Variants in SETD5 observed in about 807,000 individuals in gnomAD.
The protein encoded by SETD5 is histone-lysine N-methyltransferase SETD5.
SETD5 carries 44 observed loss-of-function variants against 153.3 expected under a neutral mutation model. The ratio of observed to expected loss-of-function variants is 0.29; its 90% CI spans 0.23 to 0.37. The LOEUF (loss-of-function observed/expected upper bound fraction) is 0.37, where lower values mean the gene tolerates loss of function less well. SETD5 is among the 10% of genes least tolerant of loss of function. The probability of loss-of-function intolerance (pLI) is 1.00; values close to 1 mark genes in which losing one functional copy is unlikely to be tolerated. For synonymous variants in SETD5, 716 were observed against 645.2 expected (o/e 1.11, Z -1.66); for missense variants, 1,544 against 1,768.0 (o/e 0.87, Z 2.27).
chr3:9,453,116 G>T (rs563696887), intron 16 of SETD5, among the ~76,000 whole-genome samples: 38 of 150,498 alleles, frequency 2.5e-4, no homozygotes, highest in Non-Finnish European at 5.0e-4. Context: ...CCTTTTTTTT[G>T]ATTTCTACTG....
intron 1 of SETD5, among the ~76,000 whole-genome samples, chr3:9,412,826 A>G (rs2125544471): frequency 6.6e-6 from 1 of 151,808 alleles, no homozygotes; most frequent in South Asian, 2.1e-4. Context: ...TAATAGATGA[A>G]ACAATCAACT....
At chr3:9,467,222 A>AC (rs1220289380) in intron 18 of SETD5, among the ~76,000 whole-genome samples, 2 of 139,250 alleles carry the variant, frequency 1.4e-5, no homozygotes, top group East Asian at 4.1e-4. Flanking sequence ...AAAAAAAAAA[A>AC]AACAACCTTA....
At chr3:9,448,041 TG>T in intron 15 of SETD5, 35 bp downstream of exon 15, 2 of 1,578,148 alleles carry the variant, frequency 1.3e-6, no homozygotes, top group Non-Finnish European at 1.7e-6. Context: ...AAGTCCAGTC[TG>T]GCAAGGGCTG....
chr3:9,451,058 CAGT>C (rs1486421716), intron 16 of SETD5, among the ~76,000 whole-genome samples: 1 of 152,162 alleles, frequency 6.6e-6, no homozygotes, highest in Admixed American at 6.5e-5. Context: ...ACAAGGCTCT[CAGT>C]AGTGTTTCAC....
intron 16 of SETD5, 144 bp from the exon 17 acceptor site, chr3:9,453,595 A>T: frequency 1.5e-6 from 1 of 687,628 alleles, no homozygotes; most frequent in Non-Finnish European, 2.2e-6. Context: ...CAATATGCTG[A>T]GACACAAGAC....
intron 2 of SETD5, among the ~76,000 whole-genome samples, chr3:9,427,218 T>G (rs887195385): frequency 6.6e-6 from 1 of 152,154 alleles, no homozygotes; most frequent in African/African-American, 2.4e-5. Context: ...AATATCAAAG[T>G]AAGATTGGAG....
chr3:9,399,578 G>A (rs1457049505), intron 1 of SETD5, among the ~76,000 whole-genome samples: 1 of 152,082 alleles, frequency 6.6e-6, no homozygotes, highest in Admixed American at 6.6e-5. Flanking sequence ...ATGCCCTTTG[G>A]TAGGACATGA....
intron 16 of SETD5, among the ~76,000 whole-genome samples, chr3:9,451,297 T>C (rs2042599736): frequency 6.6e-6 from 1 of 152,246 alleles, no homozygotes; most frequent in African/African-American, 2.4e-5. Context: ...AGTACTGTAC[T>C]ATAAGCTTTC....
At chr3:9,452,659 A>ACTTTTT in intron 16 of SETD5, among the ~76,000 whole-genome samples, 1 of 59,824 alleles carries the variant, frequency 1.7e-5, no homozygotes, top group African/African-American at 7.2e-5. Flanking sequence ...ATGATGTAAG[A>ACTTTTT]TTTTTTTTTT....
intron 1 of SETD5, among the ~76,000 whole-genome samples, chr3:9,419,629 A>G (rs2038076115): frequency 6.6e-6 from 1 of 152,220 alleles, no homozygotes; most frequent in South Asian, 2.1e-4. Flanking sequence ...AATTACTATA[A>G]TAAACAAGCT....
At chr3:9,417,420 C>T (rs1342265037) in intron 1 of SETD5, among the ~76,000 whole-genome samples, 1 of 151,964 alleles carries the variant, frequency 6.6e-6, no homozygotes, top group Non-Finnish European at 1.5e-5. Context: ...TGATTTTGTT[C>T]CTATGATGAA....
intron 11 of SETD5, among the ~76,000 whole-genome samples, chr3:9,444,484 G>T (rs760368905): frequency 6.6e-6 from 1 of 152,110 alleles, no homozygotes; most frequent in Non-Finnish European, 1.5e-5. Context: ...TTGATAAACT[G>T]CCTGCTAAAT....
rs770349308 is a variant in SETD5, at chr3:9,474,490, G to A, written c.3539G>A (p.Ser1180Asn). ...GTAGAACGACTCCGAGAAGGAGGGA[G>A]CATCCCCAAGGTCCTCCGAAGCAGC... ...TSVERLREGG[S>N]IPKVLRSSVR... Residue 1180 changes from serine (S) to asparagine (N), a missense_variant, in exon 21 of 23, where the codon AGC becomes AAC. Coordinates refer to ENST00000402198, the MANE Select transcript of SETD5 (RefSeq NM_001080517.3). 3.7e-5 allele frequency: 60 copies of A among 1,613,862 alleles called. No individual in the cohort carries two copies. The highest frequency in any genetic ancestry group is 3.1e-4 in the South Asian group (28 of 91,082).
chr3:9,403,716 G>A (rs2035203023), intron 1 of SETD5, among the ~76,000 whole-genome samples: 2 of 152,238 alleles, frequency 1.3e-5, no homozygotes, highest in South Asian at 4.2e-4. Context: ...CATACAAGTG[G>A]GATAGTTGCA....
At chr3:9,402,430 A>T (rs2034935160) in intron 1 of SETD5, among the ~76,000 whole-genome samples, 1 of 152,126 alleles carries the variant, frequency 6.6e-6, no homozygotes, top group African/African-American at 2.4e-5. Context: ...TGAGTACCTG[A>T]GGGAATACCT....
chr3:9,435,861 G>A lies in SETD5; in HGVS notation c.522G>A (p.Lys174=). 6.3e-7 allele frequency: 1 copy of A among 1,598,276 alleles called. No homozygotes were observed. The highest frequency in any genetic ancestry group is 8.5e-7 in the Non-Finnish European group (1 of 1,172,090). ...GAACCAAACCCAAGAAGCGGAAAAA[G>A]AGTCCAGAAAAGGGTCGTGCAGCAC... The part of the protein sequence containing the change: ...VRRTKPKKRK[K]SPEKGRAAPK... Residue 174 remains lysine, a synonymous_variant, in exon 7 of 23, where the codon AAG becomes AAA. Coordinates refer to ENST00000402198, the MANE Select transcript of SETD5 (RefSeq NM_001080517.3).
At chr3:9,431,419 G>A in intron 3 of SETD5, 1 of 973,088 alleles carries the variant, frequency 1.0e-6, no homozygotes, top group Non-Finnish European at 1.2e-6. Context: ...CTGCTAAAGA[G>A]ATGTAATTCC....
chr3:9,434,954 A>AC lies in SETD5; in HGVS notation c.388+76dup. The AC allele has an allele frequency of 6.5e-7, 1 of 1,543,196 alleles. No individual in the cohort carries two copies. The highest frequency in any genetic ancestry group is 2.3e-5 in the East Asian group (1 of 42,594). On this transcript the variant is annotated intron_variant, in intron 6 of 22. Coordinates refer to ENST00000402198, the MANE Select transcript of SETD5 (RefSeq NM_001080517.3). The surrounding 1 kb of genome is among the most constrained non-coding windows in gnomAD (Gnocchi z 5.6). ...TGTGATCTGAATGTTCATTTTAAGAACCCCTCTTGGCCAGGCGCAGTGGCT... is the reference window on the plus strand; with the variant it reads ...TGTGATCTGAATGTTCATTTTAAGAACCCCCTCTTGGCCAGGCGCAGTGGCT...
intron 16 of SETD5, among the ~76,000 whole-genome samples, chr3:9,453,322 G>A (rs1326671781): frequency 1.3e-5 from 2 of 152,002 alleles, no homozygotes; most frequent in African/African-American, 4.8e-5. Context: ...TCTCTAGCAC[G>A]GGGCAGACAA....
Sources: gnomAD v4.1 joint callset for allele counts (sites outside exome capture counted in the v4.1 genomes callset) on GRCh38, gnomAD v4.1.1 for gene constraint, Gnocchi (gnomAD v3.1) non-coding constraint, MANE v1.5 for transcripts, NCBI Gene and HGNC (gene_info 2026-07-23, HGNC 2026-07-21) for gene names.